DNAAF4: variants seen among roughly 807,000 people sequenced by gnomAD.
DNAAF4 encodes the protein dynein axonemal assembly factor 4, also known as dynein assembly factor 4, axonemal.
Under a neutral mutation model 51.8 loss-of-function variants are expected in DNAAF4, and 43 were observed. The ratio of observed to expected loss-of-function variants is 0.83; its 90% CI spans 0.65 to 1.07. DNAAF4 has a LOEUF of 1.07. Ranked by LOEUF, DNAAF4 falls within the 50% of genes least tolerant of loss-of-function variation. The pLI, the probability that DNAAF4 is intolerant of heterozygous loss-of-function variation, is 0.00. For synonymous variants in DNAAF4, 194 were observed against 165.6 expected (o/e 1.17, Z -1.32); for missense variants, 581 against 493.0 (o/e 1.18, Z -1.69).
chr15:55,454,430 T>A (rs1486165881), intron 5 of DNAAF4, among the ~76,000 whole-genome samples: 1 of 151,982 alleles, frequency 6.6e-6, no homozygotes, highest in Non-Finnish European at 1.5e-5. Flanking sequence ...CAGGCTAGAG[T>A]GCAGTGGCAC....
chr15:55,508,068 T>G (rs2058735706), intron 1 of DNAAF4, 54 bp downstream of exon 1: 1 of 151,962 alleles, frequency 6.6e-6, no homozygotes, highest in African/African-American at 2.4e-5. Flanking sequence ...CACACCAAAG[T>G]TTGAGAACCA....
chr15:55,417,904 G>C, exon 8 of DNAAF4: 1 of 447,374 alleles, frequency 2.2e-6, no homozygotes, highest in Non-Finnish European at 4.0e-6. Flanking sequence ...ATTCTGTGGC[G>C]GGCAGGGGCA....
intron 7 of DNAAF4, among the ~76,000 whole-genome samples, chr15:55,420,786 C>G (rs1484371772): frequency 1.3e-5 from 2 of 152,120 alleles, no homozygotes; most frequent in Non-Finnish European, 2.9e-5. Flanking sequence ...CTGCAGGTGC[C>G]CAATTCATGG....
chr15:55,462,799 C>CA (rs893228918), intron 5 of DNAAF4, among the ~76,000 whole-genome samples: 2 of 152,028 alleles, frequency 1.3e-5, no homozygotes, highest in Admixed American at 1.3e-4. Context: ...CATACACACA[C>CA]AAAAAATCAA....
At chr15:55,487,029 CT>C (rs1453951646) in intron 4 of DNAAF4, among the ~76,000 whole-genome samples, 2 of 152,200 alleles carry the variant, frequency 1.3e-5, no homozygotes, top group African/African-American at 4.8e-5. Flanking sequence ...TAATTTTACA[CT>C]TTTGTGGAAA....
intron 7 of DNAAF4, among the ~76,000 whole-genome samples, chr15:55,435,389 A>G (rs7167170): frequency 0.24 from 36,817 of 152,144 alleles, 5,641 homozygotes; most frequent in Non-Finnish European, 0.35. Flanking sequence ...TTGGTTTCAA[A>G]GTTGAAGAAT....
In DNAAF4 at chr15:55,498,443, C is replaced by T. The variant is rs560084852; in HGVS notation, c.-114G>A. On this transcript the variant is annotated 5_prime_UTR_variant, in exon 2 of 10. Transcript: ENST00000321149. ...CTTCCGGGTCAGGCCGGCCGGGAGC[C>T]CGGCGTTCCCAGCGTGCTCCGGCGC... is the stretch of plus-strand genomic sequence containing the variant. 135 of 1,462,382 alleles carry T rather than the reference C, an allele frequency of 9.2e-5. No individual in the cohort carries two copies. In the South Asian group the frequency reaches 1.6e-3, roughly 17 times the overall value. The allele number at this position is 1,462,382 out of a possible 1,614,324, so 90.6% of individuals were successfully genotyped here. A position where few individuals can be genotyped will look rare whatever the true frequency, so the allele number is the denominator to read the frequency against.
intron 6 of DNAAF4, chr15:55,442,562 A>T: frequency 1.0e-6 from 1 of 987,514 alleles, no homozygotes; most frequent in Non-Finnish European, 1.6e-6. Context: ...GCAGTGAGGG[A>T]GCAGAGTATT....
intron 7 of DNAAF4, among the ~76,000 whole-genome samples, chr15:55,422,989 C>G (rs1413569135): frequency 6.6e-6 from 1 of 151,364 alleles, no homozygotes; most frequent in Non-Finnish European, 1.5e-5. Flanking sequence ...AAGCAAAACT[C>G]CGTCTCAAAA....
chr15:55,424,761 C>G (rs754938618), intron 7 of DNAAF4, among the ~76,000 whole-genome samples: 1 of 152,024 alleles, frequency 6.6e-6, no homozygotes, highest in Non-Finnish European at 1.5e-5. Context: ...CAGGGTTTCA[C>G]CATGTTGGTC....
intron 6 of DNAAF4, among the ~76,000 whole-genome samples, chr15:55,448,552 G>A (rs1414108663): frequency 8.4e-6 from 1 of 119,334 alleles, no homozygotes; most frequent in Non-Finnish European, 1.8e-5. Flanking sequence ...GTGTGTGTGT[G>A]TGTGTGTATA....
chr15:55,471,980 C>T (rs1188139384), intron 4 of DNAAF4, among the ~76,000 whole-genome samples: 1 of 152,108 alleles, frequency 6.6e-6, no homozygotes, highest in Non-Finnish European at 1.5e-5. Context: ...GCTGGGATTA[C>T]AGGTGTGTAC....
chr15:55,439,406 G>T (rs767797662), intron 7 of DNAAF4, 66 bp downstream of exon 7: 2 of 1,368,286 alleles, frequency 1.5e-6, no homozygotes, highest in Non-Finnish European at 2.1e-6. Flanking sequence ...CACCATACTC[G>T]TCCTATGATA....
At chr15:55,494,486 G>A (rs1012255736) in intron 3 of DNAAF4, among the ~76,000 whole-genome samples, 17 of 151,404 alleles carry the variant, frequency 1.1e-4, no homozygotes, top group Non-Finnish European at 1.9e-4. Context: ...ATCTCAGCTC[G>A]CTGCAACCTC....
chr15:55,450,496 A>G, intron 5 of DNAAF4, 129 bp from the exon 6 acceptor site: 1 of 1,135,468 alleles, frequency 8.8e-7, no homozygotes, highest in Non-Finnish European at 1.2e-6. Flanking sequence ...TATTTTCTGC[A>G]AGAAAAGAAT....
intron 7 of DNAAF4, among the ~76,000 whole-genome samples, chr15:55,437,101 G>A (rs910283187): frequency 3.3e-5 from 5 of 152,228 alleles, no homozygotes; most frequent in Non-Finnish European, 7.3e-5. Flanking sequence ...ACAGGCGTGA[G>A]CCACCGCACC....
chr15:55,449,082 C>G (rs1055140623), intron 6 of DNAAF4, among the ~76,000 whole-genome samples: 1 of 150,454 alleles, frequency 6.6e-6, no homozygotes, highest in Non-Finnish European at 1.5e-5. Context: ...CTCTGACCCC[C>G]GGGTTCAAGT....
chr15:55,468,034 T>C (rs2058194794), intron 4 of DNAAF4, among the ~76,000 whole-genome samples: 1 of 152,186 alleles, frequency 6.6e-6, no homozygotes, highest in Admixed American at 6.6e-5. Flanking sequence ...CTATCCAATA[T>C]AGTAGCCACT....
intron 6 of DNAAF4, chr15:55,443,399 C>A: frequency 1.6e-6 from 1 of 617,118 alleles, no homozygotes; most frequent in Non-Finnish European, 2.8e-6. Flanking sequence ...CTTGCTCTAG[C>A]CCTGGATGGC....
Sources: allele counts gnomAD v4.1 joint callset (sites outside exome capture counted in the v4.1 genomes callset), GRCh38; gene constraint gnomAD v4.1.1; transcripts MANE v1.5; gene names NCBI Gene and HGNC (gene_info 2026-07-23, HGNC 2026-07-21).